L3MBTL4: variants seen among roughly 807,000 people sequenced by gnomAD.
The protein encoded by L3MBTL4 is lethal(3)malignant brain tumor-like protein 4.
Under a neutral mutation model 84.5 loss-of-function variants are expected in L3MBTL4, and 70 were observed. That is an observed-to-expected ratio of 0.83 (90% CI 0.68 to 1.01). The LOEUF is 1.01. L3MBTL4 is among the 50% of genes least tolerant of loss of function. The probability of loss-of-function intolerance (pLI) is 0.00; values close to 1 mark genes in which losing one functional copy is unlikely to be tolerated. For missense variants in L3MBTL4, 715 were observed against 754.8 expected (o/e 0.95, Z 0.62); for synonymous variants, 274 against 259.8 (o/e 1.05, Z -0.52).
At chr18:6,388,970 T>C (rs1381589204) in intron 1 of L3MBTL4, among the ~76,000 whole-genome samples, 1 of 152,162 alleles carries the variant, frequency 6.6e-6, no homozygotes, top group African/African-American at 2.4e-5. Flanking sequence ...CTCTAGGGAA[T>C]GGGTAAACTA....
intron 16 of L3MBTL4, chr18:6,030,491 T>C (rs904338439): frequency 2.1e-6 from 2 of 970,430 alleles, no homozygotes; most frequent in African/African-American, 1.8e-5. Flanking sequence ...TTTATTTTAA[T>C]GAAGAGACTC....
At chr18:6,388,208 T>G (rs1259798787) in intron 1 of L3MBTL4, among the ~76,000 whole-genome samples, 1 of 152,180 alleles carries the variant, frequency 6.6e-6, no homozygotes. Context: ...AATCCACTCC[T>G]GGGAATCTAT....
intron 16 of L3MBTL4, among the ~76,000 whole-genome samples, chr18:6,061,436 C>A (rs1336002944): frequency 6.6e-6 from 1 of 151,870 alleles, no homozygotes; most frequent in East Asian, 1.9e-4. Flanking sequence ...TTCTGGGACT[C>A]ATTTTTTTCA....
chr18:6,264,906 A>G (rs190083177), intron 4 of L3MBTL4, among the ~76,000 whole-genome samples: 29 of 152,348 alleles, frequency 1.9e-4, no homozygotes, highest in African/African-American at 6.7e-4. Context: ...AGAATCCCAC[A>G]TCAAATTAAA....
intron 10 of L3MBTL4, among the ~76,000 whole-genome samples, chr18:6,229,777 T>A (rs1020386428): frequency 5.3e-5 from 8 of 152,144 alleles, no homozygotes; most frequent in African/African-American, 1.9e-4. Context: ...GAAAATCATT[T>A]CACCATAACT....
At chr18:6,009,519 T>A (rs1382714397) in intron 16 of L3MBTL4, among the ~76,000 whole-genome samples, 4 of 152,252 alleles carry the variant, frequency 2.6e-5, no homozygotes, top group South Asian at 2.1e-4. Context: ...CCCCTTGGTA[T>A]TCATGGGGAA....
chr18:5,976,076 A>G (rs2052913620), intron 16 of L3MBTL4, among the ~76,000 whole-genome samples: 1 of 152,220 alleles, frequency 6.6e-6, no homozygotes, highest in Non-Finnish European at 1.5e-5. Flanking sequence ...TTGAATGAAG[A>G]GCCTTGGATG....
At chr18:6,387,731 G>A (rs1261099713) in intron 1 of L3MBTL4, among the ~76,000 whole-genome samples, 2 of 152,212 alleles carry the variant, frequency 1.3e-5, no homozygotes, top group Non-Finnish European at 2.9e-5. Flanking sequence ...AAGAATAGGT[G>A]GAAGGTGGCA....
In L3MBTL4 at chr18:6,389,599, G is replaced by A. The variant is rs150806277; in HGVS notation, c.-91+25202C>T. Among the ~76,000 whole-genome samples, 10 of 152,238 alleles carry A rather than the reference G, an allele frequency of 6.6e-5. No individual in the cohort carries two copies. The East Asian group carries it at 1.9e-3, about 29-fold the overall frequency. On this transcript the variant is annotated intron_variant, in intron 1 of 18. Transcript: ENST00000317931. ...ATTCATCTAAACTCAAGATAAACAG[G>A]TGGAAACAAATATTCCATGCAAATG...
At chr18:6,393,220 A>C (rs1251285685) in intron 1 of L3MBTL4, among the ~76,000 whole-genome samples, 1 of 152,172 alleles carries the variant, frequency 6.6e-6, no homozygotes, top group African/African-American at 2.4e-5. Context: ...ATATGCAACT[A>C]ATTTCTCTGT....
chr18:6,157,047 A>G (rs549575672), intron 13 of L3MBTL4, among the ~76,000 whole-genome samples: 1 of 152,350 alleles, frequency 6.6e-6, no homozygotes, highest in African/African-American at 2.4e-5. Flanking sequence ...AGACAATATC[A>G]TTATGACTGT....
chr18:6,263,285 G>GAAAAA (rs972577245), intron 5 of L3MBTL4, among the ~76,000 whole-genome samples: 1 of 138,474 alleles, frequency 7.2e-6, no homozygotes, highest in Non-Finnish European at 1.6e-5. Flanking sequence ...AAAAAAAAAA[G>GAAAAA]AAAAAAAAAA....
chr18:6,057,289 G>A (rs1424106750), intron 16 of L3MBTL4, among the ~76,000 whole-genome samples: 2 of 152,110 alleles, frequency 1.3e-5, no homozygotes, highest in African/African-American at 4.8e-5. Flanking sequence ...CCTGCCTTGG[G>A]CTCCCAAAGT....
rs433618 is a variant in L3MBTL4, at chr18:6,315,656, C to T, written c.-90-3600G>A. ...TGCTGTAGCTTTTTTAACTATATTG[C>T]AAGTTTAGTTATCTGAAACTTAACC... On this transcript the variant is annotated intron_variant, in intron 1 of 18. Coordinates refer to ENST00000317931, the MANE Select transcript of L3MBTL4 (RefSeq NM_001330559.2). 6.4e-3 allele frequency among the ~76,000 whole-genome samples: 977 copies of T among 152,282 alleles called. 13 individuals are homozygous for T. Among genetic ancestry groups the T allele is most frequent in the African/African-American group, 0.023 (940 of 41,548 alleles).
chr18:6,104,922 A>G (rs1393560229), intron 14 of L3MBTL4, among the ~76,000 whole-genome samples: 1 of 151,302 alleles, frequency 6.6e-6, no homozygotes, highest in Non-Finnish European at 1.5e-5. Flanking sequence ...GTAAAGCAAT[A>G]TTGTCCTTGA....
intron 13 of L3MBTL4, among the ~76,000 whole-genome samples, chr18:6,146,146 G>A (rs2042641850): frequency 6.6e-6 from 1 of 152,236 alleles, no homozygotes; most frequent in South Asian, 2.1e-4. Flanking sequence ...TTTATTCTGG[G>A]TTGGCTGGGA....
At position 6,140,010 on chromosome 18, in the gene L3MBTL4, C is replaced by T. The variant is rs910288443; in HGVS notation, c.1097-1714G>A. Among the ~76,000 whole-genome samples the T allele has an allele frequency of 2.8e-4, 43 of 152,206 alleles. 1 individual carries two copies. The highest frequency in any genetic ancestry group is 2.7e-3 in the Admixed American group (42 of 15,276). On this transcript the variant is annotated intron_variant, in intron 13 of 18. Transcript: ENST00000317931. ...ACCCTGCCACTCTGCCACCCCAGCA[C>T]GTCAGTCACTTCCTCGAGCTAGTGG...
At chr18:6,114,187 G>T (rs9951057) in intron 14 of L3MBTL4, among the ~76,000 whole-genome samples, 42,109 of 152,074 alleles carry the variant, frequency 0.28, 6,528 homozygotes, top group East Asian at 0.58. Context: ...TCCTGTGTGT[G>T]CCAATGGCCT....
intron 16 of L3MBTL4, among the ~76,000 whole-genome samples, chr18:5,995,333 G>T (rs775536810): frequency 2.0e-5 from 3 of 152,206 alleles, no homozygotes; most frequent in Non-Finnish European, 4.4e-5. Context: ...TGGGCTCCAC[G>T]TTTACTGCCC....
Sources: allele counts gnomAD v4.1 joint callset (sites outside exome capture counted in the v4.1 genomes callset), GRCh38; gene constraint gnomAD v4.1.1; transcripts MANE v1.5; gene names NCBI Gene and HGNC (gene_info 2026-07-23, HGNC 2026-07-21).